NTNG2: variants seen among roughly 807,000 people sequenced by gnomAD.
NTNG2 encodes netrin-G2.
In NTNG2, 15 loss-of-function variants were observed where a neutral mutation model predicts 47.6. That is an observed-to-expected ratio of 0.32 (90% confidence interval 0.21 to 0.49). The LOEUF is 0.49. Ranked by LOEUF, NTNG2 falls within the 20% of genes least tolerant of loss-of-function variation. The pLI is 0.99. For synonymous variants in NTNG2, 307 were observed against 324.6 expected (o/e 0.95, Z 0.58); for missense variants, 578 against 764.6 (o/e 0.76, Z 2.88).
intron 2 of NTNG2, among the ~76,000 whole-genome samples, chr9:132,174,678 G>C (rs1836274740): frequency 6.6e-6 from 1 of 152,122 alleles, no homozygotes; most frequent in Non-Finnish European, 1.5e-5. Flanking sequence ...TCCCAGCTCT[G>C]TGAGAGGCTG....
rs1840327422 is a variant in NTNG2 at position 132,221,216 on chromosome 9, G to A, written c.858-5633G>A. 6.6e-6 allele frequency among the ~76,000 whole-genome samples: 1 copy of A among 152,180 alleles called. No individual in the cohort carries two copies. Among genetic ancestry groups the A allele is most frequent in the South Asian group, 2.1e-4 (1 of 4,824 alleles). ...CCACCTCTAAATATTAGCTCTAGGA[G>A]AAGGGGCAGAGCCTGTAGTACATTC... On this transcript the variant is annotated intron_variant, in intron 3 of 7. Transcript: ENST00000393229. This position sits in a 1 kb window ranked among gnomAD's most constrained non-coding sequence, Gnocchi z 4.2.
chr9:132,198,250 C>G lies in NTNG2; in HGVS notation c.498C>G (p.Phe166Leu). ...DNGRTWQPYQ[F>L]YAEDCMEAFG... The stretch of plus-strand genomic sequence containing the variant: ...GGCGCACCTGGCAGCCCTACCAGTT[C>G]TACGCCGAGGACTGCATGGAGGCCT... Residue 166 changes from phenylalanine (F) to leucine (L), a missense_variant, in exon 3 of 8, where the codon TTC (phenylalanine) becomes TTG (leucine). Coordinates refer to ENST00000393229, the MANE Select transcript of NTNG2 (RefSeq NM_032536.4). 6.2e-7 allele frequency: 1 copy of G among 1,613,098 alleles called. No individual in the cohort carries two copies. Among genetic ancestry groups the G allele is most frequent in the Non-Finnish European group, 8.5e-7 (1 of 1,180,040 alleles).
At chr9:132,189,164 C>T (rs186720107) in intron 2 of NTNG2, among the ~76,000 whole-genome samples, 9 of 146,274 alleles carry the variant, frequency 6.2e-5, no homozygotes, top group African/African-American at 1.8e-4. Context: ...ACAGCCTCGA[C>T]CTCCTGGGCC....
Position 132,208,189 on chromosome 9 carries a change from G to A in NTNG2, c.857+9580G>A, listed in dbSNP as rs901337529. 5.3e-5 allele frequency among the ~76,000 whole-genome samples: 8 copies of A among 151,968 alleles called. No homozygotes were observed. The highest frequency in any genetic ancestry group is 7.4e-5 in the Non-Finnish European group (5 of 67,982). On this transcript the variant is annotated intron_variant, in intron 3 of 7. Coordinates refer to ENST00000393229, the MANE Select transcript of NTNG2 (RefSeq NM_032536.4). This position sits in a 1 kb window ranked among gnomAD's most constrained non-coding sequence, Gnocchi z 4.0. ...CAGGGAAGGCCCTCCAGGGAGGGGG[G>A]CTTTGAAGGAGAAACCTGAAGGGGG...
rs1293760672 is a variant in NTNG2 at position 132,182,584 on chromosome 9, T to G, written c.214-15382T>G. ...GACCTTGGGTGGACGCTGCGCCTCATCAGCCCTGACTAGCCGTGATGCCCA... is the reference window on the plus strand; with the variant it reads ...GACCTTGGGTGGACGCTGCGCCTCAGCAGCCCTGACTAGCCGTGATGCCCA... On this transcript the variant is annotated intron_variant, in intron 2 of 7. Transcript: ENST00000393229. The surrounding 1 kb of genome is among the most constrained non-coding windows in gnomAD (Gnocchi z 4.2). Among the ~76,000 whole-genome samples the G allele has an allele frequency of 1.3e-5, 2 of 152,178 alleles. No individual in the cohort carries two copies. The highest frequency in any genetic ancestry group is 2.9e-5 in the Non-Finnish European group (2 of 68,020).
chr9:132,178,189 C>T (rs917268628), intron 2 of NTNG2, among the ~76,000 whole-genome samples: 1 of 152,120 alleles, frequency 6.6e-6, no homozygotes, highest in Non-Finnish European at 1.5e-5. Flanking sequence ...TTACCCTCCC[C>T]TTCCCCTCCC....
In NTNG2 at chr9:132,205,218, C is replaced by T. The variant is rs56375258; in HGVS notation, c.857+6609C>T. The stretch of plus-strand genomic sequence containing the variant: ...AAAAGGTAGAAACAACACAACTGTT[C>T]ATCAACAAATGAAGACATAAAATGT... On this transcript the variant is annotated intron_variant, in intron 3 of 7. Coordinates refer to ENST00000393229, the MANE Select transcript of NTNG2 (RefSeq NM_032536.4). 3.6e-3 allele frequency among the ~76,000 whole-genome samples: 555 copies of T among 152,274 alleles called. 4 individuals are homozygous for T. The highest frequency in any genetic ancestry group is 0.012 in the African/African-American group (514 of 41,534).
At chr9:132,192,312 C>T (rs1837958665) in intron 2 of NTNG2, among the ~76,000 whole-genome samples, 1 of 152,204 alleles carries the variant, frequency 6.6e-6, no homozygotes, top group African/African-American at 2.4e-5. Flanking sequence ...ATAGAAGGTC[C>T]AGGTGCAATG....
intron 2 of NTNG2, among the ~76,000 whole-genome samples, chr9:132,184,006 G>A (rs369959394): frequency 4.6e-5 from 7 of 152,266 alleles, no homozygotes; most frequent in South Asian, 4.1e-4. Flanking sequence ...TCTGGGGCAC[G>A]AAGGATGTTC....
Position 132,218,680 on chromosome 9 carries a change from A to AGAGACGG in NTNG2, c.858-8166_858-8160dup, listed in dbSNP as rs1293010904. Among the ~76,000 whole-genome samples the AGAGACGG allele has an allele frequency of 1.2e-4, 18 of 152,076 alleles. No homozygotes were observed. Among genetic ancestry groups the AGAGACGG allele is most frequent in the African/African-American group, 4.3e-4 (18 of 41,400 alleles). ...CCCAGCTAATTTTTGTATTTTTAGTAGAGACGGGATTTCACCATGTTGGCC... is the reference window on the plus strand; with the variant it reads ...CCCAGCTAATTTTTGTATTTTTAGTAGAGACGGGAGACGGGATTTCACCATGTTGGCC... On this transcript the variant is annotated intron_variant, in intron 3 of 7. Transcript: ENST00000393229. The surrounding 1 kb of genome is among the most constrained non-coding windows in gnomAD (Gnocchi z 5.4).
intron 2 of NTNG2, among the ~76,000 whole-genome samples, chr9:132,189,187 C>T (rs1016526589): frequency 2.7e-5 from 4 of 149,084 alleles, no homozygotes; most frequent in South Asian, 2.1e-4. Context: ...AGGGATCTTC[C>T]TATCTCAGCC....
intron 2 of NTNG2, among the ~76,000 whole-genome samples, chr9:132,189,093 T>TTTTTTTTTTTTTTTTTG (rs1181474592): frequency 7.1e-6 from 1 of 140,662 alleles, no homozygotes. Flanking sequence ...TTTTTTTTTT[T>TTTTTTTTTTTTTTTTTG]TTAGACAGGG....
chr9:132,196,587 G>A (rs1035722148), intron 2 of NTNG2, among the ~76,000 whole-genome samples: 27 of 152,128 alleles, frequency 1.8e-4, no homozygotes. Context: ...CCCTGTGCTC[G>A]GCCTAGTCAT....
intron 3 of NTNG2, among the ~76,000 whole-genome samples, chr9:132,203,188 G>T (rs778100842): frequency 6.6e-6 from 1 of 151,968 alleles, no homozygotes; most frequent in South Asian, 2.1e-4. Flanking sequence ...CACAACTTAC[G>T]TGGAAGCCAG....
chr9:132,227,247 A>C (rs114704298), intron 4 of NTNG2, among the ~76,000 whole-genome samples: 1 of 152,320 alleles, frequency 6.6e-6, no homozygotes, highest in African/African-American at 2.4e-5. Flanking sequence ...ACGTGCGTGC[A>C]TGCACCCCCA....
chr9:132,197,209 C>A lies in NTNG2; in HGVS notation c.214-757C>A, dbSNP rs1218423539. On this transcript the variant is annotated intron_variant, in intron 2 of 7. Transcript: ENST00000393229. This position sits in a 1 kb window ranked among gnomAD's most constrained non-coding sequence, Gnocchi z 4.3. ...TTCGAGACCAGCCTGGCCAACATGG[C>A]GAAACCCTGTCTCTACTAAAAACAC... Among the ~76,000 whole-genome samples the A allele has an allele frequency of 3.3e-5, 5 of 151,968 alleles. No individual in the cohort carries two copies. The highest frequency in any genetic ancestry group is 1.2e-4 in the African/African-American group (5 of 41,344).
At chr9:132,217,850 TG>T (rs1840092563) in intron 3 of NTNG2, among the ~76,000 whole-genome samples, 1 of 152,188 alleles carries the variant, frequency 6.6e-6, no homozygotes, top group South Asian at 2.1e-4. Context: ...GCCCAGGGGA[TG>T]GGGTTACCAT....
chr9:132,230,724 C>T, intron 5 of NTNG2, 129 bp downstream of exon 5: 2 of 879,350 alleles, frequency 2.3e-6, no homozygotes, highest in Non-Finnish European at 1.8e-6. Flanking sequence ...TTCACTCCCT[C>T]CTCTAATTAC....
rs1024159632 is a variant in NTNG2 at position 132,242,664 on chromosome 9, G to C, written c.*553G>C. The C allele has an allele frequency of 1.3e-5, 2 of 152,394 alleles. No homozygotes were observed. The highest frequency in any genetic ancestry group is 2.9e-5 in the Non-Finnish European group (2 of 68,218). 9.4% of individuals were successfully genotyped at this position (152,394 alleles called of 1,614,324 possible). ...CCGGTGACCACGGAACTCACCGTCTGGGGGAGGAGGAGAGAAGGAAGGGGT... is the reference window on the plus strand; with the variant it reads ...CCGGTGACCACGGAACTCACCGTCTCGGGGAGGAGGAGAGAAGGAAGGGGT... On this transcript the variant is annotated 3_prime_UTR_variant, in exon 8 of 8. Coordinates refer to ENST00000393229, the MANE Select transcript of NTNG2 (RefSeq NM_032536.4). This position sits in a 1 kb window ranked among gnomAD's most constrained non-coding sequence, Gnocchi z 5.9.
Sources: allele counts gnomAD v4.1 joint callset (sites outside exome capture counted in the v4.1 genomes callset), GRCh38; gene constraint gnomAD v4.1.1; non-coding constraint Gnocchi (gnomAD v3.1); transcripts MANE v1.5; gene names NCBI Gene and HGNC (gene_info 2026-07-23, HGNC 2026-07-21).